The following SLC2A13 variants were observed in gnomAD, a reference collection of about 807,000 sequenced individuals.
SLC2A13 encodes the protein proton myo-inositol cotransporter.
A neutral mutation model predicts 64.4 loss-of-function variants in SLC2A13; 32 were observed. The ratio of observed to expected loss-of-function variants is 0.50; its 90% confidence interval spans 0.37 to 0.67. The LOEUF (loss-of-function observed/expected upper bound fraction) is 0.67. SLC2A13 is among the 30% of genes least tolerant of loss of function. The pLI is 0.00. For missense variants in SLC2A13, 743 were observed against 829.2 expected, an observed-to-expected ratio of 0.90 and a Z score of 1.28; for synonymous variants, 338 against 327.1, an observed-to-expected ratio of 1.03 and a Z score of -0.36.
chr12:39,906,720 T>C (rs1328873815), intron 4 of SLC2A13, among the ~76,000 whole-genome samples: 2 of 152,112 alleles, frequency 1.3e-5, no homozygotes, highest in African/African-American at 2.4e-5. Flanking sequence ...AATCAATTAC[T>C]AAAATTCTTA....
At chr12:39,879,190 G>A (rs774339004) in intron 4 of SLC2A13, among the ~76,000 whole-genome samples, 7 of 152,258 alleles carry the variant, frequency 4.6e-5, no homozygotes, top group Admixed American at 2.6e-4. Context: ...TGGGTGCCCT[G>A]GCAGAAGCCT....
chr12:39,873,888 G>T (rs540647901), intron 4 of SLC2A13, among the ~76,000 whole-genome samples: 1 of 152,072 alleles, frequency 6.6e-6, no homozygotes, highest in Admixed American at 6.6e-5. Context: ...TAGCACCTCC[G>T]TGTCTTCTGT....
At chr12:40,026,128 T>A (rs1947801140) in intron 3 of SLC2A13, among the ~76,000 whole-genome samples, 1 of 152,242 alleles carries the variant, frequency 6.6e-6, no homozygotes. Context: ...TGCTCTTAAC[T>A]GCGTACTTTT....
chr12:40,058,148 T>C (rs1302854306), intron 1 of SLC2A13, among the ~76,000 whole-genome samples: 1 of 151,980 alleles, frequency 6.6e-6, no homozygotes, highest in Non-Finnish European at 1.5e-5. Context: ...GAAGTAAACA[T>C]GCAGAAGAAA....
At chr12:39,822,422 A>G (rs1275652634) in intron 7 of SLC2A13, among the ~76,000 whole-genome samples, 1 of 152,176 alleles carries the variant, frequency 6.6e-6, no homozygotes, top group Non-Finnish European at 1.5e-5. Flanking sequence ...ATATCTAAAT[A>G]AGGCTCTTTA....
intron 4 of SLC2A13, among the ~76,000 whole-genome samples, chr12:39,896,646 AAAC>A (rs745342595): frequency 1.1e-4 from 17 of 151,730 alleles, no homozygotes; most frequent in Non-Finnish European, 1.3e-4. Flanking sequence ...TTCTGGAAGA[AAAC>A]AACACTGCTC....
intron 4 of SLC2A13, among the ~76,000 whole-genome samples, chr12:39,934,495 T>A (rs1007203694): frequency 6.6e-6 from 1 of 152,206 alleles, no homozygotes; most frequent in Non-Finnish European, 1.5e-5. Flanking sequence ...AATGTGGACT[T>A]TAATGTGTAA....
chr12:39,900,485 C>A (rs1455236436), intron 4 of SLC2A13, among the ~76,000 whole-genome samples: 1 of 152,036 alleles, frequency 6.6e-6, no homozygotes, highest in African/African-American at 2.4e-5. Flanking sequence ...GCAACTTCAG[C>A]AAAGTCTCAG....
At chr12:40,100,032 AT>A (rs1009199829) in intron 1 of SLC2A13, among the ~76,000 whole-genome samples, 7 of 152,138 alleles carry the variant, frequency 4.6e-5, no homozygotes, top group African/African-American at 1.4e-4. Flanking sequence ...TCAACATTGC[AT>A]TTTTTTGATC....
chr12:39,998,999 C>T (rs745340908), intron 3 of SLC2A13, among the ~76,000 whole-genome samples: 5 of 152,120 alleles, frequency 3.3e-5, no homozygotes, highest in Admixed American at 6.5e-5. Flanking sequence ...AATGGAGGGA[C>T]CAGCTGGAGC....
chr12:39,944,033 T>A (rs570838328), intron 4 of SLC2A13, among the ~76,000 whole-genome samples: 1 of 152,354 alleles, frequency 6.6e-6, no homozygotes, highest in African/African-American at 2.4e-5. Context: ...CCAGAGGTTT[T>A]GATAGGTTGT....
intron 3 of SLC2A13, among the ~76,000 whole-genome samples, chr12:39,988,316 T>A (rs1299076746): frequency 1.3e-5 from 2 of 152,102 alleles, no homozygotes; most frequent in Non-Finnish European, 2.9e-5. Context: ...AATATTCTAA[T>A]CATCAACAAC....
At chr12:40,077,486 T>G (rs1407366122) in intron 1 of SLC2A13, among the ~76,000 whole-genome samples, 1 of 152,138 alleles carries the variant, frequency 6.6e-6, no homozygotes, top group Non-Finnish European at 1.5e-5. Context: ...ATTTCTGGGT[T>G]CTCTAACCTG....
chr12:40,075,820 T>G (rs1029249357), intron 1 of SLC2A13, among the ~76,000 whole-genome samples: 1 of 152,176 alleles, frequency 6.6e-6, no homozygotes, highest in African/African-American at 2.4e-5. Context: ...TAATTTCTAT[T>G]GTTTGAATTA....
intron 6 of SLC2A13, among the ~76,000 whole-genome samples, chr12:39,859,317 T>G (rs953577246): frequency 1.4e-4 from 2 of 14,780 alleles, no homozygotes; most frequent in Admixed American, 2.5e-3. Context: ...AAGCTGGCAG[T>G]TTTTTTTTTT....
At position 39,787,577 on chromosome 12, in the gene SLC2A13, C is replaced by G. The variant is rs766585861; in HGVS notation, c.1446-22719G>C. Among the ~76,000 whole-genome samples, 51 of 152,068 alleles carry G rather than the reference C, an allele frequency of 3.4e-4. 1 individual carries two copies. Among genetic ancestry groups the G allele is most frequent in the Non-Finnish European group, 5.0e-4 (34 of 68,002 alleles). On this transcript the variant is annotated intron_variant, in intron 7 of 9. Coordinates refer to ENST00000280871, the MANE Select transcript of SLC2A13 (RefSeq NM_052885.4). ...ATCACATTTTGATATACTTTTTTGG[C>G]TTCCTCTTCAGTCCCTATTGAAACA...
rs1227637399 is a variant in SLC2A13 at position 39,947,569 on chromosome 12, AAT to A, written c.1034+3686_1034+3687del. On this transcript the variant is annotated intron_variant, in intron 4 of 9. Coordinates refer to ENST00000280871, the MANE Select transcript of SLC2A13 (RefSeq NM_052885.4). ...ATAATGTGGGAAGTGTCTATTTATT[AAT>A]AGTCATCAGATAAATATTTCTTAGA... Among the ~76,000 whole-genome samples, 4 of 152,302 alleles carry A rather than the reference AAT, an allele frequency of 2.6e-5. No homozygotes were observed. In the East Asian group the frequency reaches 7.7e-4, roughly 29 times the overall value.
intron 1 of SLC2A13, among the ~76,000 whole-genome samples, chr12:40,096,988 A>G (rs1468874135): frequency 6.6e-6 from 1 of 152,128 alleles, no homozygotes; most frequent in Non-Finnish European, 1.5e-5. Flanking sequence ...CTGGTTCTTG[A>G]TCAGATTTAA....
chr12:39,802,895 A>G (rs965699585), intron 7 of SLC2A13, among the ~76,000 whole-genome samples: 2 of 152,184 alleles, frequency 1.3e-5, no homozygotes, highest in Non-Finnish European at 2.9e-5. Flanking sequence ...AATTAACATC[A>G]AAATAAAATA....
Sources: allele counts gnomAD v4.1 joint callset (sites outside exome capture counted in the v4.1 genomes callset), GRCh38; gene constraint gnomAD v4.1.1; transcripts MANE v1.5; gene names NCBI Gene and HGNC (gene_info 2026-07-23, HGNC 2026-07-21).